Variants in GRM5 observed in about 807,000 individuals in gnomAD.
GRM5 encodes the protein glutamate metabotropic receptor 5.
A neutral mutation model predicts 83.1 loss-of-function variants in GRM5; 19 were observed. The observed-to-expected ratio is 0.23, with a 90% CI of 0.16 to 0.34. The LOEUF (loss-of-function observed/expected upper bound fraction) is 0.34. Ranked by LOEUF, GRM5 falls within the 10% of genes least tolerant of loss-of-function variation. The pLI, the probability that GRM5 is intolerant of heterozygous loss-of-function variation, is 1.00. For synonymous variants in GRM5, 675 were observed against 633.6 expected (o/e 1.07, Z -0.98); for missense variants, 1,160 against 1,588.3 (o/e 0.73, Z 4.58).
chr11:88,991,757 T>C (rs1198267072), intron 2 of GRM5, among the ~76,000 whole-genome samples: 2 of 151,956 alleles, frequency 1.3e-5, no homozygotes, highest in African/African-American at 2.4e-5. Context: ...AAACAAGAAA[T>C]GGGGAAAGGA....
chr11:88,893,916 T>C (rs1342577896), intron 2 of GRM5, among the ~76,000 whole-genome samples: 1 of 151,918 alleles, frequency 6.6e-6, no homozygotes, highest in Non-Finnish European at 1.5e-5. Context: ...ATAGCAAGGG[T>C]GTAACAGTCT....
chr11:88,893,822 C>G (rs1945186681), intron 2 of GRM5, among the ~76,000 whole-genome samples: 1 of 151,964 alleles, frequency 6.6e-6, no homozygotes, highest in Non-Finnish European at 1.5e-5. Flanking sequence ...AAAGAGTCAT[C>G]ATCCAACACC....
At chr11:88,557,294 T>C (rs1942651962) in intron 8 of GRM5, among the ~76,000 whole-genome samples, 1 of 152,196 alleles carries the variant, frequency 6.6e-6, no homozygotes, top group African/African-American at 2.4e-5. Context: ...AAGTAGTTGC[T>C]CATTAAGTGT....
In GRM5 at chr11:89,035,412, G is replaced by A. The variant is rs187253236; in HGVS notation, c.661+11800C>T. On this transcript the variant is annotated intron_variant, in intron 2 of 9. Transcript: ENST00000305447. ...AAAATGGCACTCTAACTTTATTAGG[G>A]AAAGTCAAGGATTGAAATCCTAACC... Among the ~76,000 whole-genome samples the A allele has an allele frequency of 5.7e-4, 87 of 151,934 alleles. 1 individual carries two copies. Among genetic ancestry groups the A allele is most frequent in the African/African-American group, 2.0e-3 (81 of 41,528 alleles).
rs34472260 is a variant in GRM5, at chr11:88,768,628, GAA to G, written c.911+81276_911+81277del. Among the ~76,000 whole-genome samples the G allele has an allele frequency of 3.3e-4, 50 of 149,996 alleles. No homozygotes were observed. The East Asian group carries it at 3.6e-3, about 11-fold the overall frequency. On this transcript the variant is annotated intron_variant, in intron 3 of 9. Coordinates refer to ENST00000305447, the MANE Select transcript of GRM5 (RefSeq NM_001143831.3). Reference sequence around the variant, plus strand: ...TATGTATGAACCACCTATAAAAATTGAAAAAAAAAAGAGATAATTTAAAAATA... The same window carrying G: ...TATGTATGAACCACCTATAAAAATTGAAAAAAAAGAGATAATTTAAAAATA...
At chr11:88,622,809 C>T (rs539146840) in intron 4 of GRM5, among the ~76,000 whole-genome samples, 52 of 152,152 alleles carry the variant, frequency 3.4e-4, no homozygotes, top group African/African-American at 1.1e-3. Flanking sequence ...TAGTCTCATG[C>T]GTATGCATAT....
chr11:88,662,993 A>C (rs557089610), intron 3 of GRM5, among the ~76,000 whole-genome samples: 16 of 152,332 alleles, frequency 1.1e-4, no homozygotes, highest in African/African-American at 3.8e-4. Context: ...ACATCCAGAA[A>C]GTATGAAATA....
At chr11:88,951,691 T>C (rs1298997555) in intron 2 of GRM5, among the ~76,000 whole-genome samples, 2 of 152,234 alleles carry the variant, frequency 1.3e-5, no homozygotes, top group African/African-American at 4.8e-5. Context: ...TTTCTTTCTA[T>C]AAATTGTAAA....
intron 2 of GRM5, among the ~76,000 whole-genome samples, chr11:88,907,706 C>A (rs868587487): frequency 2.2e-4 from 33 of 151,956 alleles, no homozygotes; most frequent in African/African-American, 6.8e-4. Context: ...GGATTAGATC[C>A]CAGGTTTGTT....
chr11:88,609,243 A>G (rs1035201022), intron 4 of GRM5, among the ~76,000 whole-genome samples: 28 of 152,204 alleles, frequency 1.8e-4, no homozygotes, highest in African/African-American at 6.7e-4. Context: ...GAGAACATGT[A>G]GTTTTTGGTT....
chr11:88,748,748 C>T (rs1275012830), intron 3 of GRM5, among the ~76,000 whole-genome samples: 1 of 152,080 alleles, frequency 6.6e-6, no homozygotes, highest in East Asian at 1.9e-4. Context: ...ACACTGGATG[C>T]CATCTTGCTA....
At chr11:88,682,417 A>T (rs928741794) in intron 3 of GRM5, among the ~76,000 whole-genome samples, 2 of 151,800 alleles carry the variant, frequency 1.3e-5, no homozygotes, top group African/African-American at 4.9e-5. Context: ...AATTCAAACC[A>T]GAAAAAAGCA....
rs146214259 is a variant in GRM5 at position 88,769,626 on chromosome 11, G to C, written c.911+80280C>G. The stretch of plus-strand genomic sequence containing the variant: ...GCAAGAACAAAATACATTGATGGCA[G>C]TATGTCAAAAAGGCACAAGAATCAA... On this transcript the variant is annotated intron_variant, in intron 3 of 9. Coordinates refer to ENST00000305447, the MANE Select transcript of GRM5 (RefSeq NM_001143831.3). 5.9e-5 allele frequency among the ~76,000 whole-genome samples: 9 copies of C among 152,110 alleles called. No individual in the cohort carries two copies. In the East Asian group the frequency reaches 1.7e-3, roughly 29 times the overall value.
At chr11:88,660,755 T>C (rs1371160248) in intron 3 of GRM5, among the ~76,000 whole-genome samples, 1 of 152,156 alleles carries the variant, frequency 6.6e-6, no homozygotes, top group Non-Finnish European at 1.5e-5. Flanking sequence ...GAACATTGAT[T>C]CTTATTCCTT....
intron 2 of GRM5, among the ~76,000 whole-genome samples, chr11:89,018,974 T>A (rs1472527655): frequency 6.6e-6 from 1 of 152,150 alleles, no homozygotes; most frequent in Non-Finnish European, 1.5e-5. Context: ...AAGCCTATAG[T>A]TAGTTCAGAC....
In GRM5 at chr11:88,687,515, CACACACACACATACATATATAT is replaced by C. The variant is rs1247154987; in HGVS notation, c.912-34134_912-34113del. On this transcript the variant is annotated intron_variant, in intron 3 of 9. Coordinates refer to ENST00000305447, the MANE Select transcript of GRM5 (RefSeq NM_001143831.3). ...CAAACAAAAAATACACACACACACA[CACACACACACATACATATATAT>C]ACACACACACACACACATATATATT... Among the ~76,000 whole-genome samples, 167 of 38,344 alleles carry C rather than the reference CACACACACACATACATATATAT, an allele frequency of 4.4e-3. 1 individual carries two copies. The highest frequency in any genetic ancestry group is 9.8e-3 in the African/African-American group (118 of 12,096). 25.2% of individuals were successfully genotyped at this position (38,344 alleles called of 152,430 possible).
intron 1 of GRM5, among the ~76,000 whole-genome samples, chr11:89,054,007 G>A (rs193025684): frequency 2.2e-4 from 34 of 152,250 alleles, no homozygotes; most frequent in African/African-American, 8.2e-4. Context: ...GAACCTGTTT[G>A]GACTTTAAAA....
intron 2 of GRM5, 50 bp from the exon 3 acceptor site, chr11:88,850,205 A>G (rs1203342185): frequency 7.6e-6 from 6 of 788,364 alleles, no homozygotes; most frequent in Non-Finnish European, 1.3e-5. Flanking sequence ...AGAGTGTTGC[A>G]TTAATTGGGT....
At chr11:88,768,125 A>G (rs1487293856) in intron 3 of GRM5, among the ~76,000 whole-genome samples, 1 of 152,034 alleles carries the variant, frequency 6.6e-6, no homozygotes, top group Non-Finnish European at 1.5e-5. Context: ...AAGGTATCAA[A>G]GAGATAATGT....
Sources: allele counts gnomAD v4.1 joint callset (sites outside exome capture counted in the v4.1 genomes callset), GRCh38; gene constraint gnomAD v4.1.1; transcripts MANE v1.5; gene names NCBI Gene and HGNC (gene_info 2026-07-23, HGNC 2026-07-21).